Variants in DIAPH2 observed in about 807,000 individuals in gnomAD.
DIAPH2 encodes the protein diaphanous related formin 2, also known as protein diaphanous homolog 2.
Under a neutral mutation model 92.7 loss-of-function variants are expected in DIAPH2, and 35 were observed. The observed-to-expected ratio is 0.38, with a 90% CI of 0.29 to 0.50. DIAPH2 has a LOEUF of 0.50. DIAPH2 is among the 20% of genes least tolerant of loss of function. The probability of loss-of-function intolerance (pLI) is 0.94; values close to 1 mark genes in which losing one functional copy is unlikely to be tolerated. For synonymous variants in DIAPH2, 301 were observed against 280.4 expected (o/e 1.07, Z -0.73); for missense variants, 701 against 819.5 (o/e 0.86, Z 1.77).
In DIAPH2 at chrX:97,281,073, C is replaced by T. The variant is rs139994331; in HGVS notation, c.2844+33234C>T. On this transcript the variant is annotated intron_variant, in intron 23 of 26. Coordinates refer to ENST00000324765, the MANE Select transcript of DIAPH2 (RefSeq NM_006729.5). ...ATTTTCTACTTTTTGCATCATGATA[C>T]GTTTTCTTTAAACCTAATTTCAAGA... 3.7e-3 allele frequency among the ~76,000 whole-genome samples: 420 copies of T among 112,021 alleles called. 1 individual carries two copies. The highest frequency in any genetic ancestry group is 0.013 in the African/African-American group (389 of 30,921).
At chrX:97,178,598 G>A (rs957375055) in intron 22 of DIAPH2, among the ~76,000 whole-genome samples, 13 of 108,113 alleles carry the variant, frequency 1.2e-4, no homozygotes, top group East Asian at 5.9e-4. Flanking sequence ...GATTACAGGC[G>A]CCCACCATCA....
chrX:97,471,306 C>T (rs1007932902), intron 26 of DIAPH2, among the ~76,000 whole-genome samples: 10 of 111,741 alleles, frequency 8.9e-5, no homozygotes, highest in African/African-American at 3.3e-4. Context: ...TAGGTCTGTT[C>T]TCCCTTTTAT....
chrX:97,526,860 C>G (rs1233513826), intron 26 of DIAPH2, among the ~76,000 whole-genome samples: 2 of 111,647 alleles, frequency 1.8e-5, no homozygotes, highest in Admixed American at 1.9e-4. Flanking sequence ...TTTTCCCATT[C>G]AACTTTTCCA....
chrX:97,202,731 G>A (rs1401313337), intron 22 of DIAPH2, among the ~76,000 whole-genome samples: 1 of 111,370 alleles, frequency 9.0e-6, no homozygotes, highest in Admixed American at 9.5e-5. Context: ...CACAATGATA[G>A]TGGGAGACTT....
chrX:97,133,504 C>T (rs2067151749), intron 21 of DIAPH2, among the ~76,000 whole-genome samples: 1 of 111,333 alleles, frequency 9.0e-6, no homozygotes, highest in Admixed American at 9.5e-5. Context: ...TCAGGCTGGT[C>T]TCAAACTCCT....
chrX:97,412,769 T>G, intron 25 of DIAPH2, among the ~76,000 whole-genome samples: 1 of 111,877 alleles, frequency 8.9e-6, no homozygotes, highest in Non-Finnish European at 1.9e-5. Context: ...GAGAATACTA[T>G]AAACACCTCT....
intron 26 of DIAPH2, among the ~76,000 whole-genome samples, chrX:97,491,501 C>T (rs2070725167): frequency 9.0e-6 from 1 of 111,067 alleles, no homozygotes; most frequent in African/African-American, 3.3e-5. Flanking sequence ...GCCTCCGCCT[C>T]CTGGGTTCAA....
At chrX:96,958,203 A>T in intron 16 of DIAPH2, 55 bp downstream of exon 16, 1 of 1,148,880 alleles carries the variant, frequency 8.7e-7, no homozygotes, top group South Asian at 2.0e-5. Flanking sequence ...GATCATTGCT[A>T]TGTGTACACA....
chrX:96,853,664 C>T (rs1007257840), intron 4 of DIAPH2, among the ~76,000 whole-genome samples: 4 of 111,863 alleles, frequency 3.6e-5, no homozygotes, highest in Non-Finnish European at 5.7e-5. Context: ...TTTAGGACTT[C>T]AGCTTTCAGA....
At chrX:96,763,732 T>C (rs764255071) in intron 4 of DIAPH2, among the ~76,000 whole-genome samples, 1 of 111,644 alleles carries the variant, frequency 9.0e-6, no homozygotes, top group Admixed American at 9.5e-5. Flanking sequence ...TTCAAGGCAC[T>C]ATATTTCAGT....
At chrX:96,916,366 T>A (rs1398216328) in intron 7 of DIAPH2, 72 bp from the exon 8 acceptor site, 1 of 958,838 alleles carries the variant, frequency 1.0e-6, no homozygotes, top group African/African-American at 2.1e-5. Context: ...AAGATCATTG[T>A]ACGTTGCTTT....
Position 97,145,353 on chromosome X carries a change from T to C in DIAPH2, c.2719+3559T>C, listed in dbSNP as rs191767144. ...AGTAGTAGTAGTATTGATATACCAC[T>C]AAGGATATTATAGTTCTTTCTTTTG... On this transcript the variant is annotated intron_variant, in intron 22 of 26. Transcript: ENST00000324765. Among the ~76,000 whole-genome samples, 464 of 101,698 alleles carry C rather than the reference T, an allele frequency of 4.6e-3. 4 individuals carry two copies. The highest frequency in any genetic ancestry group is 0.018 in the African/African-American group (449 of 25,555). 88.3% of individuals were successfully genotyped at this position (101,698 alleles called of 115,157 possible). A position where few individuals can be genotyped will look rare whatever the true frequency, so the allele number is the denominator to read the frequency against.
In DIAPH2 at chrX:97,479,548, C is replaced by T. The variant is rs141560171; in HGVS notation, c.3241+49803C>T. On this transcript the variant is annotated intron_variant, in intron 26 of 26. Transcript: ENST00000324765. Reference sequence around the variant, plus strand: ...AGCTGGATTTCTTTAAAATTGTGCCCTTCATTTGTTTCCCTTGCATGTTCT... The same window carrying T: ...AGCTGGATTTCTTTAAAATTGTGCCTTTCATTTGTTTCCCTTGCATGTTCT... 4.7e-3 allele frequency among the ~76,000 whole-genome samples: 525 copies of T among 111,835 alleles called. 5 individuals are homozygous for T. The highest frequency in any genetic ancestry group is 0.016 in the African/African-American group (502 of 30,808).
At chrX:97,461,926 G>A (rs1474133456) in intron 26 of DIAPH2, among the ~76,000 whole-genome samples, 1 of 111,597 alleles carries the variant, frequency 9.0e-6, no homozygotes, top group Non-Finnish European at 1.9e-5. Flanking sequence ...CCCTTGGCCT[G>A]TAGGGAACTT....
At chrX:97,457,306 C>T (rs1308132592) in intron 26 of DIAPH2, among the ~76,000 whole-genome samples, 2 of 112,528 alleles carry the variant, frequency 1.8e-5, no homozygotes, top group Admixed American at 1.9e-4. Context: ...TGAGCCACCA[C>T]GCCCAGCCAA....
At chrX:97,487,231 T>C (rs2070695176) in intron 26 of DIAPH2, among the ~76,000 whole-genome samples, 1 of 112,164 alleles carries the variant, frequency 8.9e-6, no homozygotes, top group Non-Finnish European at 1.9e-5. Flanking sequence ...GCAGTGAACA[T>C]GGGAGTGCAG....
At position 97,600,984 on chromosome X, in the gene DIAPH2, G is replaced by T. The variant is rs2071591237; in HGVS notation, c.*1667G>T. 1 of 111,802 alleles carries T rather than the reference G, an allele frequency of 8.9e-6. No homozygotes were observed. Among genetic ancestry groups the T allele is most frequent in the Non-Finnish European group, 1.9e-5 (1 of 53,114 alleles). The allele number at this position is 111,802 out of a possible 1,213,427, so 9.2% of individuals were successfully genotyped here. A position where few individuals can be genotyped will look rare whatever the true frequency, so the allele number is the denominator to read the frequency against. On this transcript the variant is annotated 3_prime_UTR_variant, in exon 27 of 27. Transcript: ENST00000324765. ...TGCTACAATAGAAAAATCAAAAAGG[G>T]TAACAGTATCTGAAATTTCACAGTC... is the stretch of plus-strand genomic sequence containing the variant.
At chrX:97,290,820 A>G (rs1486177978) in intron 23 of DIAPH2, among the ~76,000 whole-genome samples, 1 of 111,971 alleles carries the variant, frequency 8.9e-6, no homozygotes, top group Non-Finnish European at 1.9e-5. Flanking sequence ...CACGCCTGTA[A>G]TCCCAACACA....
intron 22 of DIAPH2, among the ~76,000 whole-genome samples, chrX:97,187,480 T>C (rs2147475362): frequency 9.3e-6 from 1 of 107,964 alleles, no homozygotes; most frequent in Admixed American, 1.0e-4. Flanking sequence ...TTCACCATGT[T>C]TGTCAGACTG....
Sources: gnomAD v4.1 joint callset for allele counts (sites outside exome capture counted in the v4.1 genomes callset) on GRCh38, gnomAD v4.1.1 for gene constraint, MANE v1.5 for transcripts, NCBI Gene and HGNC (gene_info 2026-07-23, HGNC 2026-07-21) for gene names.